B4GALNT3: variants seen among roughly 807,000 people sequenced by gnomAD.
B4GALNT3 encodes the protein beta-1,4-N-acetylgalactosaminyltransferase 3.
B4GALNT3 carries 86 observed loss-of-function variants against 120.2 expected under a neutral mutation model. The ratio of observed to expected loss-of-function variants is 0.72; its 90% CI spans 0.60 to 0.86. The LOEUF (loss-of-function observed/expected upper bound fraction) is 0.86. B4GALNT3 is among the 40% of genes least tolerant of loss of function. B4GALNT3 has a pLI of 0.00. For missense variants in B4GALNT3, 1,167 were observed against 1,298.9 expected, an observed-to-expected ratio of 0.90 and a Z score of 1.56; for synonymous variants, 518 against 510.4, an observed-to-expected ratio of 1.01 and a Z score of -0.20.
chr12:475,872 T>C (rs1287560392), intron 1 of B4GALNT3, among the ~76,000 whole-genome samples: 1 of 152,166 alleles, frequency 6.6e-6, no homozygotes, highest in Non-Finnish European at 1.5e-5. Context: ...CCCCACAGCA[T>C]TGATGGAATG....
chr12:518,884 G>T (rs1011806666), intron 1 of B4GALNT3, among the ~76,000 whole-genome samples: 1 of 151,968 alleles, frequency 6.6e-6, no homozygotes. Context: ...TGAATCCACG[G>T]ATATGAAACC....
chr12:518,782 A>C (rs1038164480), intron 1 of B4GALNT3, among the ~76,000 whole-genome samples: 1 of 152,260 alleles, frequency 6.6e-6, no homozygotes, highest in Non-Finnish European at 1.5e-5. Context: ...ATAGCATTGT[A>C]AATAGTTGTC....
At position 536,291 on chromosome 12, in the gene B4GALNT3, C is replaced by T; in HGVS notation, c.347C>T (p.Ser116Leu). ...LKWNKPVPWL[S>L]EFRGRANLHV... ...TGGAACAAGCCTGTCCCCTGGCTCT[C>T]AGAGGTGAGGGACTTTCTATTGTAC... Residue 116 changes from serine to leucine, a missense_variant, in exon 3 of 20, where the codon TCA becomes TTA. Coordinates refer to ENST00000266383, the MANE Select transcript of B4GALNT3 (RefSeq NM_173593.4). 6.2e-7 allele frequency: 1 copy of T among 1,611,906 alleles called. No homozygotes were observed.
Position 460,681 on chromosome 12 carries a change from C to T in B4GALNT3, c.169+136C>T. ...TTCTCCCTCAGGTGCCCGGCGTCGC[C>T]CCGCGCGTACTCGGGGAGAGCTGCG... On this transcript the variant is annotated intron_variant, in intron 1 of 19. Transcript: ENST00000266383. The surrounding 1 kb of genome is among the most constrained non-coding windows in gnomAD (Gnocchi z 8.0). The T allele has an allele frequency of 1.1e-6, 1 of 943,858 alleles. No homozygotes were observed. Among genetic ancestry groups the T allele is most frequent in the Non-Finnish European group, 1.4e-6 (1 of 720,734 alleles). 58.5% of individuals were successfully genotyped at this position (943,858 alleles called of 1,614,324 possible).
rs1466818250 is a variant in B4GALNT3, at chr12:487,732, A to G, written c.169+27187A>G. 6.0e-5 allele frequency among the ~76,000 whole-genome samples: 9 copies of G among 151,182 alleles called. 1 individual carries two copies. Among genetic ancestry groups the G allele is most frequent in the Admixed American group, 5.9e-4 (9 of 15,160 alleles). On this transcript the variant is annotated intron_variant, in intron 1 of 19. Coordinates refer to ENST00000266383, the MANE Select transcript of B4GALNT3 (RefSeq NM_173593.4). ...TATCTTGAAAAAAAAAAAAAGAAAG[A>G]AAAGAAGAAGAAGACCAAGAAGAAC...
intron 4 of B4GALNT3, 115 bp from the exon 5 acceptor site, chr12:544,767 G>A: frequency 2.9e-6 from 3 of 1,031,872 alleles, no homozygotes; most frequent in Non-Finnish European, 4.3e-6. Context: ...CACTCACAAA[G>A]CCACAGCCCT....
chr12:554,654 G>T (rs919575539), intron 14 of B4GALNT3, among the ~76,000 whole-genome samples: 66 of 150,888 alleles, frequency 4.4e-4, no homozygotes, highest in Non-Finnish European at 8.1e-4. Flanking sequence ...GCCAGGCATA[G>T]TGGCGGGCGC....
At chr12:545,048 G>T in intron 5 of B4GALNT3, 76 bp downstream of exon 5, 1 of 1,555,230 alleles carries the variant, frequency 6.4e-7, no homozygotes, top group Non-Finnish European at 8.7e-7. Context: ...ATAAGATAAG[G>T]TTATAGGTAG....
chr12:558,548 A>G lies in B4GALNT3; in HGVS notation c.2648A>G (p.His883Arg). ...ATCTTCCTCTGTGACCTCCACATCC[A>G]CTTCCCAGCTGGAGTCATCGATGCC... ...SIIFLCDLHI[H>R]FPAGVIDAIR... The change falls in exon 18 of 20, where the codon CAC becomes CGC. Residue 883 changes from histidine (H) to arginine (R), a missense_variant. Around this residue, in one of 3 missense-constraint regions of B4GALNT3, gnomAD observed 983 missense variants for 1,102.5 expected, o/e 0.89. Transcript: ENST00000266383. 1 of 1,614,060 alleles carries G rather than the reference A, an allele frequency of 6.2e-7. No individual in the cohort carries two copies. Among genetic ancestry groups the G allele is most frequent in the Non-Finnish European group, 8.5e-7 (1 of 1,179,980 alleles).
chr12:482,994 A>T (rs1367179483), intron 1 of B4GALNT3, among the ~76,000 whole-genome samples: 1 of 151,792 alleles, frequency 6.6e-6, no homozygotes, highest in Non-Finnish European at 1.5e-5. Flanking sequence ...TGCAGCCTTA[A>T]CCCCCTGGGT....
At position 556,810 on chromosome 12, in the gene B4GALNT3, G is replaced by C. The variant is rs1565612354; in HGVS notation, c.2324G>C (p.Cys775Ser). ...ACCCGGGCCCAAGAGCCCAAGCTGTGCTGGCCTCAGGGTTTCTCCTGGAGT... is the reference window on the plus strand; with the variant it reads ...ACCCGGGCCCAAGAGCCCAAGCTGTCCTGGCCTCAGGGTTTCTCCTGGAGT... ...LNTRAQEPKL[C>S]WPQGFSWSHR... The change falls in exon 15 of 20, where the codon TGC becomes TCC. Residue 775 changes from cysteine to serine, a missense_variant. Physicochemically the swap from Cys to Ser is moderately radical, Grantham distance 112. This residue lies in a region of B4GALNT3 where 983 missense variants were observed against 1,102.5 expected (regional missense o/e 0.89). Coordinates refer to ENST00000266383, the MANE Select transcript of B4GALNT3 (RefSeq NM_173593.4). 6.2e-7 allele frequency: 1 copy of C among 1,613,728 alleles called. No homozygotes were observed. Among genetic ancestry groups the C allele is most frequent in the Admixed American group, 1.7e-5 (1 of 60,024 alleles).
chr12:511,687 C>T, intron 1 of B4GALNT3, among the ~76,000 whole-genome samples: 1 of 46,376 alleles, frequency 2.2e-5, no homozygotes, highest in East Asian at 5.6e-4. Flanking sequence ...CCGCCTTCCA[C>T]CTTCTGTCTT....
intron 1 of B4GALNT3, among the ~76,000 whole-genome samples, chr12:500,865 C>CTTGTTTTTTTTTTT (rs1946433223): frequency 1.6e-5 from 1 of 61,828 alleles, no homozygotes; most frequent in Non-Finnish European, 2.7e-5. Context: ...GGCTCCACTG[C>CTTGTTTTTTTTTTT]TTTTTTTTTT....
chr12:496,624 C>G lies in B4GALNT3; in HGVS notation c.169+36079C>G, dbSNP rs150752460. ...AAAAAAAATAAAAAAATAAAGTGTA[C>G]AATTCAGCGGCATTTAGTACATATA... On this transcript the variant is annotated intron_variant, in intron 1 of 19. Coordinates refer to ENST00000266383, the MANE Select transcript of B4GALNT3 (RefSeq NM_173593.4). Among the ~76,000 whole-genome samples the G allele has an allele frequency of 5.3e-4, 81 of 152,126 alleles. 2 individuals carry two copies. In the East Asian group the frequency reaches 0.015, roughly 29 times the overall value.
intron 6 of B4GALNT3, among the ~76,000 whole-genome samples, chr12:545,755 AGG>A (rs1946993104): frequency 9.6e-6 from 1 of 104,642 alleles, no homozygotes; most frequent in Non-Finnish European, 1.9e-5. Flanking sequence ...GGGAGGAGTG[AGG>A]AGTGGGGAGG....
intron 1 of B4GALNT3, among the ~76,000 whole-genome samples, chr12:519,996 A>G (rs1946691601): frequency 6.6e-6 from 1 of 151,936 alleles, no homozygotes. Context: ...TTGACCTAGC[A>G]TTGGTTCTAT....
intron 1 of B4GALNT3, among the ~76,000 whole-genome samples, chr12:465,306 A>T (rs969393135): frequency 2.0e-5 from 3 of 152,184 alleles, no homozygotes; most frequent in Non-Finnish European, 4.4e-5. Context: ...TTCTGGGCAC[A>T]TACTAGGCGC....
chr12:542,697 GC>G, intron 3 of B4GALNT3, among the ~76,000 whole-genome samples: 1 of 152,350 alleles, frequency 6.6e-6, no homozygotes, highest in East Asian at 1.9e-4. Context: ...GGGGAAGGGA[GC>G]CCTCTGCTCA....
At chr12:505,779 A>G (rs1188957693) in intron 1 of B4GALNT3, among the ~76,000 whole-genome samples, 2 of 152,124 alleles carry the variant, frequency 1.3e-5, no homozygotes, top group Admixed American at 6.5e-5. Flanking sequence ...CTACCTCTCA[A>G]ATTATCCTGC....
Sources: gnomAD v4.1 joint callset for allele counts (sites outside exome capture counted in the v4.1 genomes callset) on GRCh38, gnomAD v4.1.1 for gene constraint, gnomAD v4.1.1 regional missense constraint, Gnocchi (gnomAD v3.1) non-coding constraint, MANE v1.5 for transcripts, NCBI Gene and HGNC (gene_info 2026-07-23, HGNC 2026-07-21) for gene names.